Variants in CNTLN observed in about 807,000 individuals in gnomAD.
The protein encoded by CNTLN is centlein, centrosomal protein.
In CNTLN, 212 loss-of-function variants were observed where a neutral mutation model predicts 180.0. The observed-to-expected ratio is 1.18, with a 90% CI of 1.05 to 1.32. The LOEUF (loss-of-function observed/expected upper bound fraction) is 1.32. Among genes scored for constraint, CNTLN ranks in the 40% most tolerant of loss-of-function variants. CNTLN has a pLI of 0.00. For missense variants in CNTLN, 2,095 were observed against 1,610.9 expected (o/e 1.30, Z -5.14); for synonymous variants, 722 against 563.1 (o/e 1.28, Z -3.99).
intron 5 of CNTLN, among the ~76,000 whole-genome samples, chr9:17,255,090 A>G (rs545255750): frequency 4.0e-5 from 6 of 151,868 alleles, no homozygotes; most frequent in East Asian, 3.9e-4. Flanking sequence ...TTGTTAGTGT[A>G]TAGAATCTTA....
chr9:17,141,889 C>G (rs1360848818), intron 1 of CNTLN, among the ~76,000 whole-genome samples: 1 of 151,948 alleles, frequency 6.6e-6, no homozygotes, highest in East Asian at 1.9e-4. Context: ...CGAGACCAGC[C>G]TGGCCAATAT....
intron 7 of CNTLN, chr9:17,298,992 C>G (rs1267536644): frequency 2.5e-5 from 24 of 953,636 alleles, no homozygotes; most frequent in Non-Finnish European, 2.9e-5. Flanking sequence ...GCCTGTAATC[C>G]CAGCACTTTG....
intron 1 of CNTLN, among the ~76,000 whole-genome samples, chr9:17,136,211 G>T (rs949371499): frequency 8.5e-5 from 13 of 152,164 alleles, no homozygotes; most frequent in Non-Finnish European, 1.9e-4. Context: ...CCTTTAGATA[G>T]GGTTGGGAGA....
intron 5 of CNTLN, among the ~76,000 whole-genome samples, chr9:17,269,523 T>G (rs765878645): frequency 6.6e-6 from 1 of 152,188 alleles, no homozygotes; most frequent in African/African-American, 2.4e-5. Flanking sequence ...TCTTGTTTGG[T>G]CAATTGGTTG....
At chr9:17,496,195 TTC>T (rs1415543232) in intron 25 of CNTLN, among the ~76,000 whole-genome samples, 1 of 152,172 alleles carries the variant, frequency 6.6e-6, no homozygotes, top group Non-Finnish European at 1.5e-5. Context: ...AATAATTCAG[TTC>T]TCTTTTGGAT....
At chr9:17,261,011 C>T (rs887741358) in intron 5 of CNTLN, among the ~76,000 whole-genome samples, 1 of 151,240 alleles carries the variant, frequency 6.6e-6, no homozygotes, top group Admixed American at 6.6e-5. Context: ...TCTGGGTTCT[C>T]TATTCTGTTC....
intron 6 of CNTLN, among the ~76,000 whole-genome samples, chr9:17,290,847 A>G (rs1029585532): frequency 9.9e-5 from 15 of 152,162 alleles, no homozygotes; most frequent in Admixed American, 2.6e-4. Flanking sequence ...AGGTGAGGCA[A>G]TGCCTCGCCC....
chr9:17,361,911 C>A (rs1416633946), intron 12 of CNTLN, among the ~76,000 whole-genome samples: 2 of 152,098 alleles, frequency 1.3e-5, no homozygotes. Flanking sequence ...TAAGAAACAC[C>A]AGTGTAAGTG....
intron 2 of CNTLN, chr9:17,166,849 G>A (rs1563841505): frequency 4.4e-6 from 2 of 453,372 alleles, no homozygotes; most frequent in Non-Finnish European, 4.5e-6. Context: ...CCACCAAAAC[G>A]AAGAATATAC....
intron 7 of CNTLN, chr9:17,298,558 TTAAAA>T: frequency 8.2e-7 from 1 of 1,220,154 alleles, no homozygotes; most frequent in Non-Finnish European, 1.0e-6. Context: ...GCTGAATCAC[TTAAAA>T]TATAGATACA....
chr9:17,145,164 T>A (rs1309062631), intron 2 of CNTLN, among the ~76,000 whole-genome samples: 1 of 152,142 alleles, frequency 6.6e-6, no homozygotes, highest in Non-Finnish European at 1.5e-5. Flanking sequence ...AAAATGAAGA[T>A]CTCTGGGCCT....
intron 5 of CNTLN, among the ~76,000 whole-genome samples, chr9:17,267,795 T>G (rs1004826205): frequency 1.3e-5 from 2 of 152,232 alleles, no homozygotes; most frequent in South Asian, 2.1e-4. Context: ...CATTTCATCT[T>G]CCATCACTGA....
At chr9:17,462,878 G>A in intron 19 of CNTLN, 38 bp from the exon 20 acceptor site, 1 of 1,144,150 alleles carries the variant, frequency 8.7e-7, no homozygotes, top group Non-Finnish European at 1.2e-6. Context: ...GACCAAGGTT[G>A]TAAGGTATAT....
At chr9:17,325,378 ATGTGTGTGTG>A (rs74311460) in intron 8 of CNTLN, among the ~76,000 whole-genome samples, 8 of 128,084 alleles carry the variant, frequency 6.2e-5, no homozygotes, top group African/African-American at 1.8e-4. Flanking sequence ...ATGTGTATGT[ATGTGTGTGTG>A]TGTGTGTGTG....
rs1231161758 is a variant in CNTLN, at chr9:17,491,090, A to T, written c.4119+4024A>T. Among the ~76,000 whole-genome samples, 5 of 152,044 alleles carry T rather than the reference A, an allele frequency of 3.3e-5. No individual in the cohort carries two copies. The East Asian group carries it at 9.6e-4, about 29-fold the overall frequency. On this transcript the variant is annotated intron_variant, in intron 25 of 25. Coordinates refer to ENST00000380647, the MANE Select transcript of CNTLN (RefSeq NM_017738.4). Reference sequence around the variant, plus strand: ...GTGTTTATCTGTTCTGCCCATTCTGATCCCCCAAATTAAAATTATAATAAA... The same window carrying T: ...GTGTTTATCTGTTCTGCCCATTCTGTTCCCCCAAATTAAAATTATAATAAA...
At chr9:17,307,139 G>T (rs762540165) in intron 7 of CNTLN, among the ~76,000 whole-genome samples, 1 of 152,168 alleles carries the variant, frequency 6.6e-6, no homozygotes, top group Admixed American at 6.5e-5. Flanking sequence ...AATGAGAAGG[G>T]AAAGTATAAA....
chr9:17,304,009 G>A (rs1218780064), intron 7 of CNTLN, among the ~76,000 whole-genome samples: 6 of 151,748 alleles, frequency 4.0e-5, no homozygotes, highest in African/African-American at 1.5e-4. Context: ...CCTTTTTCTT[G>A]CCCTTACATT....
chr9:17,151,824 G>A (rs1021681263), intron 2 of CNTLN, among the ~76,000 whole-genome samples: 1 of 152,108 alleles, frequency 6.6e-6, no homozygotes, highest in African/African-American at 2.4e-5. Flanking sequence ...GTTAATTACT[G>A]TCTCAATTTC....
intron 25 of CNTLN, among the ~76,000 whole-genome samples, chr9:17,495,912 A>G (rs2383027): frequency 0.3 from 45,252 of 152,034 alleles, 7,924 homozygotes; most frequent in East Asian, 0.51. Context: ...AATATGTAGT[A>G]CAGTAACATG....
Sources: gnomAD v4.1 joint callset for allele counts (sites outside exome capture counted in the v4.1 genomes callset) on GRCh38, gnomAD v4.1.1 for gene constraint, MANE v1.5 for transcripts, NCBI Gene and HGNC (gene_info 2026-07-23, HGNC 2026-07-21) for gene names.